Variants in HOMER2 observed in about 807,000 individuals in gnomAD.
HOMER2 encodes homer scaffold protein 2, also known as homer protein homolog 2.
HOMER2 carries 27 observed loss-of-function variants against 47.0 expected under a neutral mutation model. That is an observed-to-expected ratio of 0.57 (90% confidence interval 0.42 to 0.79). The LOEUF (loss-of-function observed/expected upper bound fraction) is 0.79. Ranked by LOEUF, HOMER2 falls within the 30% of genes least tolerant of loss-of-function variation. HOMER2 has a pLI of 0.00. For synonymous variants in HOMER2, 161 were observed against 163.8 expected, an observed-to-expected ratio of 0.98 and a Z score of 0.13; for missense variants, 443 against 435.0, an observed-to-expected ratio of 1.02 and a Z score of -0.16.
At chr15:82,961,753 C>G (rs981404727) in intron 1 of HOMER2, among the ~76,000 whole-genome samples, 2 of 152,112 alleles carry the variant, frequency 1.3e-5, no homozygotes, top group African/African-American at 4.8e-5. Flanking sequence ...AGAACTTCTC[C>G]ATTATCCCAA....
intron 1 of HOMER2, among the ~76,000 whole-genome samples, chr15:82,943,838 T>G (rs1050685320): frequency 6.6e-6 from 1 of 152,220 alleles, no homozygotes; most frequent in African/African-American, 2.4e-5. Flanking sequence ...CCTGCATAGC[T>G]GGGACCCGCC....
At chr15:82,897,004 A>T (rs1286311780) in intron 1 of HOMER2, among the ~76,000 whole-genome samples, 2 of 150,444 alleles carry the variant, frequency 1.3e-5, no homozygotes. Flanking sequence ...GAACTCAGAG[A>T]GGCCAGGTAA....
intron 1 of HOMER2, among the ~76,000 whole-genome samples, chr15:82,896,121 C>G (rs2052906004): frequency 6.6e-6 from 1 of 151,922 alleles, no homozygotes; most frequent in Non-Finnish European, 1.5e-5. Context: ...AACAGGGTCT[C>G]TGGATGCAAA....
intron 2 of HOMER2, among the ~76,000 whole-genome samples, chr15:82,878,574 G>A (rs562854845): frequency 2.3e-4 from 35 of 152,214 alleles, no homozygotes; most frequent in Middle Eastern, 3.4e-3. Context: ...TATTGCTTCC[G>A]CTCTATTCTC....
exon 2 of HOMER2, chr15:82,840,494 G>T (rs2051165715): frequency 6.6e-6 from 1 of 152,060 alleles, no homozygotes; most frequent in South Asian, 2.1e-4. Context: ...TTGAGAAAGG[G>T]TCTTGCTCTG....
At chr15:82,948,330 G>C (rs1329876133) in intron 1 of HOMER2, among the ~76,000 whole-genome samples, 1 of 149,298 alleles carries the variant, frequency 6.7e-6, no homozygotes, top group African/African-American at 2.5e-5. Context: ...GGCGGAGCTT[G>C]CAGTGAGCCA....
chr15:82,853,785 T>C (rs1414726412), intron 6 of HOMER2, among the ~76,000 whole-genome samples: 1 of 152,140 alleles, frequency 6.6e-6, no homozygotes, highest in Admixed American at 6.5e-5. Flanking sequence ...CAAATCAAAA[T>C]GCCAGGATGT....
At chr15:82,948,363 C>G (rs1205977558) in intron 1 of HOMER2, among the ~76,000 whole-genome samples, 1 of 148,758 alleles carries the variant, frequency 6.7e-6, no homozygotes, top group Non-Finnish European at 1.5e-5. Flanking sequence ...TGCACTCCAG[C>G]CTGGGCGACA....
At chr15:82,963,314 A>T (rs142458666) in intron 1 of HOMER2, among the ~76,000 whole-genome samples, 1,641 of 152,016 alleles carry the variant, frequency 0.011, 9 homozygotes, top group Non-Finnish European at 0.016. Flanking sequence ...GGTCTCAAAC[A>T]CCTAGGCTCA....
intron 2 of HOMER2, among the ~76,000 whole-genome samples, chr15:82,878,824 C>T (rs961309443): frequency 2.6e-5 from 4 of 152,168 alleles, no homozygotes; most frequent in East Asian, 1.9e-4. Context: ...GATGGGGTTT[C>T]GCCATGTTGC....
intron 1 of HOMER2, among the ~76,000 whole-genome samples, chr15:82,972,246 T>A (rs1305161523): frequency 6.6e-6 from 1 of 152,240 alleles, no homozygotes; most frequent in Non-Finnish European, 1.5e-5. Context: ...TATGTCTCTA[T>A]CAGAGCTTCT....
intron 1 of HOMER2, among the ~76,000 whole-genome samples, chr15:82,974,458 C>A (rs1418576244): frequency 6.6e-6 from 1 of 152,066 alleles, no homozygotes; most frequent in Non-Finnish European, 1.5e-5. Flanking sequence ...CTCCACTCAC[C>A]TATGGGAGGG....
In HOMER2 at chr15:82,952,086, T is replaced by G. The variant is rs1596381605; in HGVS notation, c.5+445A>C. 3.1e-6 allele frequency: 3 copies of G among 970,892 alleles called. No homozygotes were observed. The Admixed American group carries it at 1.8e-4, about 60-fold the overall frequency. 60.1% of individuals were successfully genotyped at this position (970,892 alleles called of 1,614,324 possible). A position where few individuals can be genotyped will look rare whatever the true frequency, so the allele number is the denominator to read the frequency against. On this transcript the variant is annotated intron_variant, in intron 1 of 8. Coordinates refer to ENST00000450735, the MANE Select transcript of HOMER2 (RefSeq NM_004839.4). ...AGTCCACTATTCCTACGCTGGAGGTTTATTATTATTTGATTATTTCCAGGA... is the reference window on the plus strand; with the variant it reads ...AGTCCACTATTCCTACGCTGGAGGTGTATTATTATTTGATTATTTCCAGGA...
intron 1 of HOMER2, among the ~76,000 whole-genome samples, chr15:82,942,359 G>A (rs1158594075): frequency 6.6e-6 from 1 of 152,184 alleles, no homozygotes; most frequent in African/African-American, 2.4e-5. Context: ...GATGAAGGGT[G>A]ATCAGAAAGG....
At chr15:82,919,240 C>T (rs1240555749) in intron 1 of HOMER2, among the ~76,000 whole-genome samples, 1 of 152,216 alleles carries the variant, frequency 6.6e-6, no homozygotes, top group African/African-American at 2.4e-5. Flanking sequence ...CAGGTCTCTC[C>T]CATTTATACC....
intron 1 of HOMER2, among the ~76,000 whole-genome samples, chr15:82,894,824 C>CAA (rs201306560): frequency 4.9e-4 from 63 of 129,004 alleles, no homozygotes; most frequent in Admixed American, 1.4e-3. Context: ...AGACAAGATA[C>CAA]AAAAAAAAAA....
At chr15:82,880,193 T>C (rs1177701427) in intron 2 of HOMER2, among the ~76,000 whole-genome samples, 1 of 152,236 alleles carries the variant, frequency 6.6e-6, no homozygotes, top group African/African-American at 2.4e-5. Flanking sequence ...TTCATTTACA[T>C]ATTGGTCTAT....
intron 3 of HOMER2, among the ~76,000 whole-genome samples, chr15:82,864,846 T>C (rs946739160): frequency 6.6e-6 from 1 of 152,268 alleles, no homozygotes; most frequent in African/African-American, 2.4e-5. Flanking sequence ...CATTAGCTTA[T>C]TGCCACTAAC....
intron 1 of HOMER2, among the ~76,000 whole-genome samples, chr15:82,894,320 T>C (rs964927237): frequency 6.6e-6 from 1 of 152,208 alleles, no homozygotes; most frequent in Non-Finnish European, 1.5e-5. Context: ...CACAGACTTA[T>C]CACAAAATAC....
Sources: gnomAD v4.1 joint callset for allele counts (sites outside exome capture counted in the v4.1 genomes callset) on GRCh38, gnomAD v4.1.1 for gene constraint, MANE v1.5 for transcripts, NCBI Gene and HGNC (gene_info 2026-07-23, HGNC 2026-07-21) for gene names.